The following ADAMTS6 variants were observed in gnomAD, a reference collection of about 807,000 sequenced individuals.
ADAMTS6 encodes A disintegrin and metalloproteinase with thrombospondin motifs 6.
A neutral mutation model predicts 144.3 loss-of-function variants in ADAMTS6; 23 were observed. That is an observed-to-expected ratio of 0.16 (90% CI 0.11 to 0.23). The LOEUF (loss-of-function observed/expected upper bound fraction) is 0.23, where lower values mean the gene tolerates loss of function less well. Ranked by LOEUF, ADAMTS6 falls within the 10% of genes least tolerant of loss-of-function variation. The pLI, the probability that ADAMTS6 is intolerant of heterozygous loss-of-function variation, is 1.00. For missense variants in ADAMTS6, 999 were observed against 1,379.6 expected, an observed-to-expected ratio of 0.72 and a Z score of 4.37; for synonymous variants, 444 against 457.5, an observed-to-expected ratio of 0.97 and a Z score of 0.38.
chr5:65,346,044 A>T (rs1415472384), intron 7 of ADAMTS6, among the ~76,000 whole-genome samples: 1 of 151,896 alleles, frequency 6.6e-6, no homozygotes, highest in Non-Finnish European at 1.5e-5. Flanking sequence ...CTTCTGCTGC[A>T]TCCAATTTTG....
intron 4 of ADAMTS6, among the ~76,000 whole-genome samples, chr5:65,456,334 C>G (rs1376601143): frequency 2.0e-5 from 3 of 152,166 alleles, no homozygotes; most frequent in Non-Finnish European, 4.4e-5. Context: ...TGTTAGGAAA[C>G]ATTGCTCATA....
chr5:65,452,262 A>G (rs1758805057), intron 5 of ADAMTS6, 46 bp from the exon 6 acceptor site: 4 of 1,556,550 alleles, frequency 2.6e-6, no homozygotes, highest in East Asian at 2.2e-5. Flanking sequence ...GACAAAAATT[A>G]TAGGGTGATA....
At chr5:65,282,233 G>A (rs2112709286) in intron 11 of ADAMTS6, among the ~76,000 whole-genome samples, 1 of 152,170 alleles carries the variant, frequency 6.6e-6, no homozygotes, top group African/African-American at 2.4e-5. Flanking sequence ...CTACAGCTTG[G>A]TTTTATACAT....
intron 7 of ADAMTS6, among the ~76,000 whole-genome samples, chr5:65,444,418 T>C (rs1180303067): frequency 6.6e-6 from 1 of 152,150 alleles, no homozygotes; most frequent in African/African-American, 2.4e-5. Flanking sequence ...GGTTACAGGA[T>C]ACAAAATCCA....
At chr5:65,210,233 A>G in intron 20 of ADAMTS6, 1 of 164,732 alleles carries the variant, frequency 6.1e-6, no homozygotes, top group Admixed American at 6.2e-5. Context: ...CGGGCGGATC[A>G]CGAGGTCAGG....
At chr5:65,200,620 C>A (rs1055980510) in intron 20 of ADAMTS6, among the ~76,000 whole-genome samples, 3 of 152,090 alleles carry the variant, frequency 2.0e-5, no homozygotes, top group South Asian at 2.1e-4. Flanking sequence ...GTGTCCAGAT[C>A]CCCTGGAAAT....
At chr5:65,281,439 A>G (rs576640450) in intron 11 of ADAMTS6, among the ~76,000 whole-genome samples, 4 of 152,292 alleles carry the variant, frequency 2.6e-5, no homozygotes, top group South Asian at 2.1e-4. Context: ...AATTTATAAC[A>G]TCTTCACTCA....
At chr5:65,199,936 A>T (rs929543066) in intron 20 of ADAMTS6, among the ~76,000 whole-genome samples, 1 of 152,162 alleles carries the variant, frequency 6.6e-6, no homozygotes, top group Non-Finnish European at 1.5e-5. Flanking sequence ...TGATTTCAGA[A>T]TGCTATTTTT....
chr5:65,451,711 A>G, intron 6 of ADAMTS6, 91 bp from the exon 7 acceptor site: 1 of 1,450,404 alleles, frequency 6.9e-7, no homozygotes, highest in Non-Finnish European at 9.5e-7. Context: ...GACTATAATT[A>G]GAAGCAGTGT....
At chr5:65,376,902 T>G (rs1751616377) in intron 7 of ADAMTS6, among the ~76,000 whole-genome samples, 1 of 152,118 alleles carries the variant, frequency 6.6e-6, no homozygotes, top group Non-Finnish European at 1.5e-5. Flanking sequence ...GTAAAATATT[T>G]GGTTTCCAAG....
At chr5:65,167,163 A>T (rs1753222549) in intron 24 of ADAMTS6, among the ~76,000 whole-genome samples, 1 of 147,252 alleles carries the variant, frequency 6.8e-6, no homozygotes, top group Admixed American at 6.7e-5. Flanking sequence ...AAAAGAGAGA[A>T]GAATCAAATA....
In ADAMTS6 at chr5:65,161,405, C is replaced by T. The variant is rs1194213420; in HGVS notation, c.3244+9212G>A. Among the ~76,000 whole-genome samples, 9 of 152,272 alleles carry T rather than the reference C, an allele frequency of 5.9e-5. No individual in the cohort carries two copies. In the South Asian group the frequency reaches 1.9e-3, roughly 32 times the overall value. ...TCTCTATGGATTAAAACTTGTAATT[C>T]AGCTCATAATGTTTTATTCACTTTT... On this transcript the variant is annotated intron_variant, in intron 24 of 24. Transcript: ENST00000381055.
chr5:65,466,353 C>T (rs1329306323), intron 3 of ADAMTS6, among the ~76,000 whole-genome samples: 2 of 152,152 alleles, frequency 1.3e-5, no homozygotes, highest in African/African-American at 4.8e-5. Flanking sequence ...AAATTTCTAC[C>T]TGGAAATCTT....
intron 14 of ADAMTS6, among the ~76,000 whole-genome samples, chr5:65,258,397 T>C (rs1344221694): frequency 6.6e-6 from 1 of 151,986 alleles, no homozygotes; most frequent in Non-Finnish European, 1.5e-5. Flanking sequence ...AGAAAGAAAA[T>C]AGTAAGAGAT....
intron 11 of ADAMTS6, 97 bp from the exon 12 acceptor site, chr5:65,273,544 A>T: frequency 1.1e-6 from 1 of 945,626 alleles, no homozygotes; most frequent in Non-Finnish European, 1.6e-6. Context: ...CTTTCAAGAG[A>T]CCCTGGGTAC....
chr5:65,183,132 G>T (rs530329477), intron 22 of ADAMTS6, among the ~76,000 whole-genome samples: 115 of 152,326 alleles, frequency 7.5e-4, no homozygotes, highest in African/African-American at 2.6e-3. Flanking sequence ...ACTCTAGCAA[G>T]TCCTTCTGAC....
In ADAMTS6 at chr5:65,150,255, G is replaced by A. The variant is rs143566104; in HGVS notation, c.*1581C>T. The A allele has an allele frequency of 1.4e-3, 215 of 152,762 alleles. No individual in the cohort carries two copies. The highest frequency in any genetic ancestry group is 2.4e-3 in the Non-Finnish European group (160 of 68,022). The allele number at this position is 152,762 out of a possible 1,614,324, so 9.5% of individuals were successfully genotyped here. ...AGTTTTAGGTGTTGGTGCATGCATG[G>A]TGTACACCTGTGTACAATGGGGAGG... On this transcript the variant is annotated 3_prime_UTR_variant, in exon 25 of 25. Coordinates refer to ENST00000381055, the MANE Select transcript of ADAMTS6 (RefSeq NM_197941.4).
At chr5:65,209,634 T>C (rs1756357829) in intron 20 of ADAMTS6, among the ~76,000 whole-genome samples, 1 of 152,220 alleles carries the variant, frequency 6.6e-6, no homozygotes, top group South Asian at 2.1e-4. Flanking sequence ...AAGAGAAAGC[T>C]ATCATTATTG....
At chr5:65,349,193 G>C (rs190098974) in intron 7 of ADAMTS6, among the ~76,000 whole-genome samples, 1 of 152,168 alleles carries the variant, frequency 6.6e-6, no homozygotes, top group East Asian at 1.9e-4. Flanking sequence ...TCTATTGTTA[G>C]TAGGGTCTTT....
Sources: allele counts gnomAD v4.1 joint callset (sites outside exome capture counted in the v4.1 genomes callset), GRCh38; gene constraint gnomAD v4.1.1; transcripts MANE v1.5; gene names NCBI Gene and HGNC (gene_info 2026-07-23, HGNC 2026-07-21).